Variants in HNF4A observed in about 807,000 individuals in gnomAD.
HNF4A encodes hepatocyte nuclear factor 4 alpha.
In HNF4A, 15 loss-of-function variants were observed where a neutral mutation model predicts 52.4. The observed-to-expected ratio is 0.29, with a 90% confidence interval of 0.19 to 0.44. The LOEUF is 0.44. Ranked by LOEUF, HNF4A falls within the 20% of genes least tolerant of loss-of-function variation. The probability of loss-of-function intolerance (pLI) is 1.00; values close to 1 mark genes in which losing one functional copy is unlikely to be tolerated. For missense variants in HNF4A, 479 were observed against 647.2 expected (o/e 0.74, Z 2.82); for synonymous variants, 280 against 264.4 (o/e 1.06, Z -0.57).
At position 44,430,929 on chromosome 20, in the gene HNF4A, G is replaced by A. The variant is rs2063870502; in HGVS notation, c.*1264G>A. The stretch of plus-strand genomic sequence containing the variant: ...CCTTACTCCCAGGCACTGTCTTAAG[G>A]CATCTGACATGCATCATCTCATTTA... On this transcript the variant is annotated 3_prime_UTR_variant, in exon 10 of 10. Coordinates refer to ENST00000316099, the MANE Select transcript of HNF4A (RefSeq NM_000457.6). 6.6e-6 allele frequency: 1 copy of A among 152,076 alleles called. No homozygotes were observed. The highest frequency in any genetic ancestry group is 1.5e-5 in the Non-Finnish European group (1 of 68,028). 9.4% of individuals were successfully genotyped at this position (152,076 alleles called of 1,614,324 possible).
intron 7 of HNF4A, among the ~76,000 whole-genome samples, chr20:44,422,070 A>G (rs1484389139): frequency 6.6e-6 from 1 of 152,026 alleles, no homozygotes; most frequent in African/African-American, 2.4e-5. Context: ...AGGCATGATT[A>G]ACTTGCTCAA....
chr20:44,387,288 TAAA>T (rs537843651), intron 1 of HNF4A, among the ~76,000 whole-genome samples: 19,662 of 80,532 alleles, frequency 0.24, 1,932 homozygotes, highest in Middle Eastern at 0.35. Context: ...AACTTCATCT[TAAA>T]AAAAAAAAAA....
At chr20:44,355,723 G>A in exon 1 of HNF4A, 6 of 1,266,148 alleles carry the variant, frequency 4.7e-6, no homozygotes, top group Non-Finnish European at 6.9e-6. Flanking sequence ...CCTGGTGGAC[G>A]GGCTCCTGGT....
chr20:44,419,074 C>A (rs1371756926), intron 6 of HNF4A, among the ~76,000 whole-genome samples: 9 of 152,132 alleles, frequency 5.9e-5, no homozygotes, highest in Admixed American at 2.6e-4. Context: ...CCGCGCCTGG[C>A]CTACCTGTGC....
At chr20:44,396,035 G>A (rs1203932290) in intron 1 of HNF4A, among the ~76,000 whole-genome samples, 2 of 152,258 alleles carry the variant, frequency 1.3e-5, no homozygotes, top group East Asian at 3.9e-4. Context: ...CTGAGGCAGT[G>A]AAACCACCAG....
Position 44,415,208 on chromosome 20 carries a change from G to A in HNF4A, c.648+546G>A, listed in dbSNP as rs377701688. Among the ~76,000 whole-genome samples the A allele has an allele frequency of 8.5e-4, 130 of 152,286 alleles. 5 individuals carry two copies. In the South Asian group the frequency reaches 0.026, roughly 30 times the overall value. ...ATCCACTTTAGAGTGTGGTTGGGAG[G>A]ATTGAGGACATTGGTGTCTGAAAAG... On this transcript the variant is annotated intron_variant, in intron 5 of 9. Transcript: ENST00000316099.
At chr20:44,388,612 G>A (rs1457529958) in intron 1 of HNF4A, among the ~76,000 whole-genome samples, 3 of 152,110 alleles carry the variant, frequency 2.0e-5, no homozygotes, top group Non-Finnish European at 4.4e-5. Context: ...AGTGCGTCTG[G>A]GCCTGTGATT....
intron 1 of HNF4A, chr20:44,401,615 G>A: frequency 8.4e-7 from 1 of 1,192,454 alleles, no homozygotes; most frequent in Non-Finnish European, 1.2e-6. Flanking sequence ...GGTCCTACAG[G>A]CCAGCACAGG....
intron 1 of HNF4A, among the ~76,000 whole-genome samples, chr20:44,403,292 G>A (rs540953678): frequency 3.9e-5 from 6 of 152,318 alleles, no homozygotes; most frequent in Admixed American, 2.6e-4. Flanking sequence ...CTTCCAACCT[G>A]TGTGAATGTG....
At chr20:44,376,455 T>C (rs2063086886) in intron 1 of HNF4A, among the ~76,000 whole-genome samples, 1 of 152,196 alleles carries the variant, frequency 6.6e-6, no homozygotes, top group Non-Finnish European at 1.5e-5. Context: ...TAAGAAATAT[T>C]ACAAATATGC....
intron 1 of HNF4A, among the ~76,000 whole-genome samples, chr20:44,382,319 C>T (rs1036659550): frequency 6.6e-5 from 10 of 151,026 alleles, no homozygotes; most frequent in African/African-American, 2.4e-4. Flanking sequence ...GCTCACTGCA[C>T]CCTCCGCCTC....
rs1258336516 is a variant in HNF4A at position 44,424,368 on chromosome 20, C to A, written c.1129+114C>A. The A allele has an allele frequency of 5.2e-6, 8 of 1,526,584 alleles. No homozygotes were observed. In the Admixed American group the frequency reaches 5.8e-5, roughly 11 times the overall value. The allele number at this position is 1,526,584 out of a possible 1,614,324, so 94.6% of individuals were successfully genotyped here. On this transcript the variant is annotated intron_variant, in intron 8 of 9. Transcript: ENST00000316099. The stretch of plus-strand genomic sequence containing the variant: ...GGCTTCCCCACTGTGCCGCTTTGGG[C>A]AAGTTGCTTAACCTGTCTGTGCCTC...
chr20:44,407,886 A>AT (rs2063525490), intron 3 of HNF4A, among the ~76,000 whole-genome samples: 1 of 152,202 alleles, frequency 6.6e-6, no homozygotes, highest in Admixed American at 6.5e-5. Flanking sequence ...AGGGACAGCC[A>AT]GAGGAGCCCG....
intron 1 of HNF4A, among the ~76,000 whole-genome samples, chr20:44,404,769 A>G (rs1007020386): frequency 6.1e-4 from 1 of 1,648 alleles, no homozygotes; most frequent in Non-Finnish European, 1.5e-3. Flanking sequence ...ACATGTGTGT[A>G]TATATGTGTG....
chr20:44,416,783 C>T (rs1600728505), intron 5 of HNF4A, among the ~76,000 whole-genome samples: 1 of 152,170 alleles, frequency 6.6e-6, no homozygotes, highest in East Asian at 1.9e-4. Context: ...TATCTTCAGA[C>T]AAATGCCTTC....
chr20:44,356,531 G>C (rs955762161), intron 1 of HNF4A, among the ~76,000 whole-genome samples: 1 of 152,146 alleles, frequency 6.6e-6, no homozygotes, highest in Non-Finnish European at 1.5e-5. Context: ...CTTTACAGTG[G>C]AATGCTATCC....
At chr20:44,377,489 G>A (rs549867498) in intron 1 of HNF4A, among the ~76,000 whole-genome samples, 34 of 152,256 alleles carry the variant, frequency 2.2e-4, no homozygotes, top group Admixed American at 1.8e-3. Flanking sequence ...GCAGCCGGGC[G>A]CGGTAGCTCA....
intron 1 of HNF4A, among the ~76,000 whole-genome samples, chr20:44,374,679 G>A (rs985379393): frequency 6.6e-5 from 10 of 152,218 alleles, no homozygotes; most frequent in African/African-American, 2.2e-4. Flanking sequence ...AGCCAGGTTG[G>A]TCTCGAACTC....
intron 1 of HNF4A, among the ~76,000 whole-genome samples, chr20:44,394,801 T>C (rs1051828450): frequency 2.0e-5 from 3 of 152,178 alleles, no homozygotes; most frequent in Non-Finnish European, 4.4e-5. Context: ...TTTTCAGGGT[T>C]AGGGGTGAGG....
Sources: allele counts gnomAD v4.1 joint callset (sites outside exome capture counted in the v4.1 genomes callset), GRCh38; gene constraint gnomAD v4.1.1; transcripts MANE v1.5; gene names NCBI Gene and HGNC (gene_info 2026-07-23, HGNC 2026-07-21).